SCN3A: variants seen among roughly 807,000 people sequenced by gnomAD.
SCN3A encodes sodium voltage-gated channel alpha subunit 3.
Under a neutral mutation model 187.6 loss-of-function variants are expected in SCN3A, and 60 were observed. The observed-to-expected ratio is 0.32, with a 90% CI of 0.26 to 0.40. The LOEUF is 0.40. SCN3A is among the 10% of genes least tolerant of loss of function. The pLI, the probability that SCN3A is intolerant of heterozygous loss-of-function variation, is 1.00. For missense variants in SCN3A, 1,601 were observed against 2,428.2 expected, an observed-to-expected ratio of 0.66 and a Z score of 7.16; for synonymous variants, 788 against 829.2, an observed-to-expected ratio of 0.95 and a Z score of 0.85.
chr2:165,111,353 A>G (rs1238977686), intron 21 of SCN3A, among the ~76,000 whole-genome samples: 2 of 152,122 alleles, frequency 1.3e-5, no homozygotes, highest in East Asian at 3.9e-4. Flanking sequence ...AAAAAAGATC[A>G]TAATCTTCAT....
chr2:165,193,508 C>G (rs1691742802), intron 1 of SCN3A, among the ~76,000 whole-genome samples: 2 of 152,214 alleles, frequency 1.3e-5, no homozygotes, highest in South Asian at 2.1e-4. Context: ...CTTTCCTACC[C>G]CAACATCAGC....
At chr2:165,188,504 G>T (rs1691378576) in intron 1 of SCN3A, among the ~76,000 whole-genome samples, 1 of 152,100 alleles carries the variant, frequency 6.6e-6, no homozygotes, top group Non-Finnish European at 1.5e-5. Flanking sequence ...AGAATCACCT[G>T]TGCAGCAGGG....
chr2:165,200,690 C>A (rs116793108), intron 1 of SCN3A, among the ~76,000 whole-genome samples: 6 of 151,982 alleles, frequency 3.9e-5, no homozygotes, highest in Non-Finnish European at 5.9e-5. Context: ...ATGAAGCTGA[C>A]AGCGCAGTTA....
intron 2 of SCN3A, among the ~76,000 whole-genome samples, chr2:165,185,947 GATGA>G (rs1157780793): frequency 3.9e-5 from 6 of 151,904 alleles, no homozygotes; most frequent in Non-Finnish European, 8.8e-5. Flanking sequence ...AAATAGACAG[GATGA>G]ATGTCTCTCT....
chr2:165,098,152 C>G (rs1685449153), intron 22 of SCN3A, among the ~76,000 whole-genome samples: 1 of 152,184 alleles, frequency 6.6e-6, no homozygotes, highest in African/African-American at 2.4e-5. Flanking sequence ...ACTTCACAAT[C>G]TCTTAAATGT....
intron 3 of SCN3A, among the ~76,000 whole-genome samples, chr2:165,172,970 AAG>A (rs1341317669): frequency 6.6e-6 from 1 of 152,196 alleles, no homozygotes; most frequent in African/African-American, 2.4e-5. Context: ...TGATGATATG[AAG>A]AGATATACCT....
Position 165,094,374 on chromosome 2 carries a change from T to C in SCN3A, c.4536A>G (p.Ala1512=), listed in dbSNP as rs1194948791. The change falls in exon 26 of 28, where the codon GCA becomes GCG. Residue 1512 remains alanine (A), a splice_region_variant and synonymous_variant. Transcript: ENST00000283254. The stretch of plus-strand genomic sequence containing the variant: ...ATTAAAGGAGACAAGTAATTCTTAC[T>C]GCTGGGCGAGGTATGGGTTTCTGAG... The part of the protein sequence containing the change: ...KKPQKPIPRP[A]NKFQGMVFDF... The C allele has an allele frequency of 1.6e-5, 25 of 1,608,628 alleles. No homozygotes were observed. The East Asian group carries it at 5.6e-4, about 36-fold the overall frequency.
At chr2:165,187,903 C>T (rs1291597809) in intron 1 of SCN3A, among the ~76,000 whole-genome samples, 1 of 152,176 alleles carries the variant, frequency 6.6e-6, no homozygotes, top group Admixed American at 6.5e-5. Flanking sequence ...TGTTAGTTCC[C>T]TCTACTTCAC....
chr2:165,141,595 A>G lies in SCN3A; in HGVS notation c.1672-597T>C, dbSNP rs546354159. ...TCTCTGAAACTGTTTGTCTCTACCC[A>G]CATGGGAACAGAAGTCACAAAACTT... is the stretch of plus-strand genomic sequence containing the variant. On this transcript the variant is annotated intron_variant, in intron 12 of 27. Coordinates refer to ENST00000283254, the MANE Select transcript of SCN3A (RefSeq NM_006922.4). Among the ~76,000 whole-genome samples, 208 of 152,328 alleles carry G rather than the reference A, an allele frequency of 1.4e-3. 1 individual carries two copies. The highest frequency in any genetic ancestry group is 4.6e-3 in the African/African-American group (192 of 41,584).
chr2:165,178,233 T>C (rs1690593567), intron 2 of SCN3A, among the ~76,000 whole-genome samples: 1 of 152,062 alleles, frequency 6.6e-6, no homozygotes, highest in African/African-American at 2.4e-5. Context: ...ATTATAATAT[T>C]ATTATTTTTT....
intron 24 of SCN3A, 126 bp from the exon 25 acceptor site, chr2:165,095,774 A>G (rs758550960): frequency 5.5e-6 from 3 of 548,758 alleles, no homozygotes; most frequent in Non-Finnish European, 9.5e-6. Context: ...ATATTGTTCT[A>G]CAAAAACAAT....
At chr2:165,161,128 T>TC (rs1199420367) in intron 9 of SCN3A, among the ~76,000 whole-genome samples, 5 of 138,212 alleles carry the variant, frequency 3.6e-5, no homozygotes, top group Non-Finnish European at 7.7e-5. Flanking sequence ...TTCTTTTTTT[T>TC]CTTTCTTTCT....
At chr2:165,125,798 T>G (rs1049972437) in intron 18 of SCN3A, among the ~76,000 whole-genome samples, 6 of 152,282 alleles carry the variant, frequency 3.9e-5, no homozygotes, top group South Asian at 2.1e-4. Context: ...CTGGTATTTC[T>G]TCTTACATAA....
rs1304674013 is a variant in SCN3A, at chr2:165,130,109, T to C, written c.2753A>G (p.Asp918Gly). 1.2e-6 allele frequency: 2 copies of C among 1,614,108 alleles called. No homozygotes were observed. The highest frequency in any genetic ancestry group is 1.7e-6 in the Non-Finnish European group (2 of 1,180,008). ...YKECVCKIND[D>G]CTLPRWHMND... is the part of the protein sequence containing the mutation. The stretch of plus-strand genomic sequence containing the variant: ...CATGTGCCACCGTGGGAGCGTACAG[T>C]CATCATTGATCTTGCAGACACATTC... Residue 918 changes from aspartate to glycine, a missense_variant, in exon 17 of 28, where the codon GAC (aspartate) becomes GGC (glycine). Asp to Gly is a moderately conservative substitution (Grantham distance 94). Coordinates refer to ENST00000283254, the MANE Select transcript of SCN3A (RefSeq NM_006922.4).
At chr2:165,178,757 T>C (rs1034775768) in intron 2 of SCN3A, among the ~76,000 whole-genome samples, 3 of 152,162 alleles carry the variant, frequency 2.0e-5, no homozygotes, top group Admixed American at 6.5e-5. Flanking sequence ...GTATAGTACA[T>C]GAATCGAAAG....
chr2:165,169,555 T>C (rs1689984503), intron 4 of SCN3A, among the ~76,000 whole-genome samples: 1 of 144,206 alleles, frequency 6.9e-6, no homozygotes, highest in African/African-American at 2.7e-5. Flanking sequence ...TGTAAGAAAG[T>C]TTATGATTAT....
chr2:165,131,165 A>T, intron 16 of SCN3A, 79 bp downstream of exon 16: 1 of 829,120 alleles, frequency 1.2e-6, no homozygotes, highest in South Asian at 3.6e-5. Flanking sequence ...TAAAATTAAT[A>T]ATTATATAAA....
intron 21 of SCN3A, among the ~76,000 whole-genome samples, chr2:165,112,001 C>T (rs183406525): frequency 3.9e-5 from 6 of 152,204 alleles, no homozygotes; most frequent in East Asian, 1.9e-4. Flanking sequence ...AGAAAAAGAA[C>T]GAGGCACACA....
chr2:165,189,026 C>G (rs1435386392), intron 1 of SCN3A, among the ~76,000 whole-genome samples: 2 of 152,010 alleles, frequency 1.3e-5, no homozygotes, highest in Non-Finnish European at 2.9e-5. Flanking sequence ...GATCTGAGTG[C>G]TTTTGGCAAT....
Sources: allele counts gnomAD v4.1 joint callset (sites outside exome capture counted in the v4.1 genomes callset), GRCh38; gene constraint gnomAD v4.1.1; transcripts MANE v1.5; gene names NCBI Gene and HGNC (gene_info 2026-07-23, HGNC 2026-07-21).